The following CEP83 variants were observed in gnomAD, a reference collection of about 807,000 sequenced individuals.
The protein encoded by CEP83 is centrosomal protein 83.
A neutral mutation model predicts 101.9 loss-of-function variants in CEP83; 70 were observed. The observed-to-expected ratio is 0.69, with a 90% CI of 0.57 to 0.84. The LOEUF is 0.84. Among genes scored for constraint, CEP83 ranks in the 40% least tolerant of loss-of-function variants. CEP83 has a pLI of 0.00. For missense variants in CEP83, 715 were observed against 787.2 expected, an observed-to-expected ratio of 0.91 and a Z score of 1.10; for synonymous variants, 264 against 267.9, an observed-to-expected ratio of 0.99 and a Z score of 0.14.
intron 11 of CEP83, among the ~76,000 whole-genome samples, chr12:94,357,571 C>G (rs2060539673): frequency 6.6e-6 from 1 of 152,008 alleles, no homozygotes; most frequent in Non-Finnish European, 1.5e-5. Flanking sequence ...AGGCCATTCC[C>G]TCACCCCTGT....
chr12:94,362,795 C>T (rs1358742084), intron 11 of CEP83, among the ~76,000 whole-genome samples: 1 of 152,154 alleles, frequency 6.6e-6, no homozygotes, highest in Non-Finnish European at 1.5e-5. Context: ...CCTACGTGCC[C>T]ATCAACGGAT....
rs1191458007 is a variant in CEP83, at chr12:94,368,027, T to G, written c.1193+30A>C. On this transcript the variant is annotated intron_variant, in intron 10 of 16. Transcript: ENST00000397809. ...AAATGTTTTCATTTGCAAGGATATT[T>G]AAGTCAAACTAAGGTAATTAAGTAC... is the stretch of plus-strand genomic sequence containing the variant. The G allele has an allele frequency of 2.5e-6, 4 of 1,606,446 alleles. No individual in the cohort carries two copies. The African/African-American group carries it at 5.4e-5, about 22-fold the overall frequency.
intron 15 of CEP83, 55 bp from the exon 16 acceptor site, chr12:94,310,162 G>C: frequency 1.3e-6 from 1 of 750,238 alleles, no homozygotes; most frequent in Non-Finnish European, 2.0e-6. Context: ...TTGAAGCACA[G>C]TATGATTCAC....
intron 11 of CEP83, among the ~76,000 whole-genome samples, chr12:94,362,112 A>G (rs2060794242): frequency 6.6e-6 from 1 of 152,216 alleles, no homozygotes; most frequent in African/African-American, 2.4e-5. Context: ...AATGATCTGA[A>G]TGGATCATTC....
At chr12:94,450,531 G>A (rs1243592399) in intron 1 of CEP83, among the ~76,000 whole-genome samples, 5 of 152,194 alleles carry the variant, frequency 3.3e-5, no homozygotes, top group South Asian at 4.1e-4. Context: ...GATTACAGGC[G>A]TGAGCCACCA....
At chr12:94,268,595 T>TTTTTTTTTTTTTTTTTTTTTTTG in the CEP83 span, among the ~76,000 whole-genome samples, 1 of 134,724 alleles carries the variant, frequency 7.4e-6, no homozygotes, top group Non-Finnish European at 1.6e-5. Flanking sequence ...GACCTTTTTT[T>TTTTTTTTTTTTTTTTTTTTTTTG]TTTTTTTTTT....
rs181511286 is a variant in CEP83, at chr12:94,352,711, A to T, written c.1343+15083T>A. ...ATTCCATGAACAAAATTAAAAATAC[A>T]ATCAAGAATTTCAGGAACAGTCTAG... On this transcript the variant is annotated intron_variant, in intron 11 of 16. Coordinates refer to ENST00000397809, the MANE Select transcript of CEP83 (RefSeq NM_016122.3). Among the ~76,000 whole-genome samples the T allele has an allele frequency of 4.9e-3, 743 of 152,228 alleles. 6 individuals carry two copies. Among genetic ancestry groups the T allele is most frequent in the African/African-American group, 0.017 (703 of 41,566 alleles).
chr12:94,306,898 C>G (rs1339664715), downstream of CEP83: 1 of 152,158 alleles, frequency 6.6e-6, no homozygotes, highest in Non-Finnish European at 1.5e-5. Flanking sequence ...ACAAACAAAA[C>G]TACCAAATAG....
At chr12:94,305,199 A>C, downstream of CEP83, 1 of 1,607,624 alleles carries the variant, frequency 6.2e-7, no homozygotes, top group Non-Finnish European at 8.5e-7. Context: ...TAAACTAGAA[A>C]GAGAACGAGG....
intron 11 of CEP83, among the ~76,000 whole-genome samples, chr12:94,352,419 C>CAAAAAAAAAAAAA: frequency 1.3e-5 from 1 of 75,876 alleles, no homozygotes; most frequent in South Asian, 4.9e-4. Context: ...GACTTTGTCT[C>CAAAAAAAAAAAAA]AAAAAAAAAA....
At chr12:94,443,364 A>G (rs1048171202) in intron 1 of CEP83, among the ~76,000 whole-genome samples, 5 of 152,052 alleles carry the variant, frequency 3.3e-5, no homozygotes, top group African/African-American at 1.2e-4. Context: ...GAAACCCTAC[A>G]GTCTGCAAAA....
intron 1 of CEP83, among the ~76,000 whole-genome samples, chr12:94,440,951 A>C (rs1415269720): frequency 2.6e-5 from 4 of 152,208 alleles, no homozygotes; most frequent in Non-Finnish European, 5.9e-5. Flanking sequence ...TATTCAACAA[A>C]TGGTGCTGGG....
chr12:94,347,834 G>T (rs2060011167), intron 11 of CEP83, among the ~76,000 whole-genome samples: 2 of 152,100 alleles, frequency 1.3e-5, no homozygotes, highest in African/African-American at 4.8e-5. Flanking sequence ...AAACTTTTGG[G>T]GTGATGAAAC....
In CEP83 at chr12:94,353,733, A is replaced by G. The variant is rs567462454; in HGVS notation, c.1343+14061T>C. On this transcript the variant is annotated intron_variant, in intron 11 of 16. Transcript: ENST00000397809. ...ACATAGTCTGAAAACGAAGTGGGGG[A>G]AAAAAAAAAAAACACTCCATGCAAA... 4.8e-3 allele frequency among the ~76,000 whole-genome samples: 391 copies of G among 81,450 alleles called. 1 individual carries two copies. Among genetic ancestry groups the G allele is most frequent in the African/African-American group, 0.014 (305 of 21,810 alleles). 53.4% of individuals were successfully genotyped at this position (81,450 alleles called of 152,430 possible).
intron 1 of CEP83, among the ~76,000 whole-genome samples, 179 bp downstream of exon 1, chr12:94,459,378 G>A (rs1184861982): frequency 1.3e-5 from 2 of 152,170 alleles, no homozygotes; most frequent in African/African-American, 2.4e-5. Flanking sequence ...CCAAGCCAGA[G>A]TGCATCCAAA....
chr12:94,359,887 C>T (rs1593399785), intron 11 of CEP83, among the ~76,000 whole-genome samples: 1 of 152,022 alleles, frequency 6.6e-6, no homozygotes. Flanking sequence ...TCAACAAAAA[C>T]ACCAGCAAAC....
chr12:94,377,715 A>G (rs965573633), intron 7 of CEP83, among the ~76,000 whole-genome samples: 2 of 152,218 alleles, frequency 1.3e-5, no homozygotes, highest in Non-Finnish European at 2.9e-5. Context: ...CCTGAAAATA[A>G]TCACTCTAAA....
At chr12:94,278,843 C>T in the CEP83 span, among the ~76,000 whole-genome samples, 1 of 152,024 alleles carries the variant, frequency 6.6e-6, no homozygotes, top group Non-Finnish European at 1.5e-5. Context: ...TAAAAAAATA[C>T]AAAAATTAGC....
At chr12:94,334,313 T>C in intron 12 of CEP83, among the ~76,000 whole-genome samples, 1 of 152,286 alleles carries the variant, frequency 6.6e-6, no homozygotes, top group South Asian at 2.1e-4. Context: ...ACAGCTTTTT[T>C]TTCCATCCCA....
Sources: gnomAD v4.1 joint callset for allele counts (sites outside exome capture counted in the v4.1 genomes callset) on GRCh38, gnomAD v4.1.1 for gene constraint, MANE v1.5 for transcripts, NCBI Gene and HGNC (gene_info 2026-07-23, HGNC 2026-07-21) for gene names.